Variants in ABITRAM observed in about 807,000 individuals in gnomAD.
The protein encoded by ABITRAM is protein Abitram.
Under a neutral mutation model 22.9 loss-of-function variants are expected in ABITRAM, and 19 were observed. That is an observed-to-expected ratio of 0.83 (90% confidence interval 0.58 to 1.22). The LOEUF (loss-of-function observed/expected upper bound fraction) is 1.22. Among genes scored for constraint, ABITRAM ranks in the 50% most tolerant of loss-of-function variants. The probability of loss-of-function intolerance (pLI) is 0.00; values close to 1 mark genes in which losing one functional copy is unlikely to be tolerated. For missense variants in ABITRAM, 215 were observed against 220.2 expected (o/e 0.98, Z 0.15); for synonymous variants, 70 against 73.9 (o/e 0.95, Z 0.27).
chr9:108,936,387 A>C lies in ABITRAM; in HGVS notation c.211A>C (p.Ser71Arg), dbSNP rs1303834437. The C allele has an allele frequency of 1.2e-6, 2 of 1,614,070 alleles. No individual in the cohort carries two copies. Among genetic ancestry groups the C allele is most frequent in the South Asian group, 2.2e-5 (2 of 91,084 alleles). ...AATTAAAAGCATTTCCTATCAGATC[A>C]GTACCAACTGTAGCAGACTTCAGAA... The part of the protein sequence containing the change: ...KTIKSISYQI[S>R]TNCSRLQNKV... The change falls in exon 3 of 6, where the codon AGT becomes CGT. Residue 71 changes from serine (S) to arginine (R), a missense_variant. Ser to Arg is a moderately radical substitution (Grantham distance 110). Transcript: ENST00000322940.
At chr9:108,934,634 G>A in intron 1 of ABITRAM, 69 bp downstream of exon 1, 1 of 1,433,764 alleles carries the variant, frequency 7.0e-7, no homozygotes, top group South Asian at 1.3e-5. Context: ...TATGTTGACA[G>A]ATCATAAGCC....
intron 3 of ABITRAM, among the ~76,000 whole-genome samples, chr9:108,938,387 A>G (rs561804069): frequency 8.2e-4 from 125 of 152,358 alleles, no homozygotes; most frequent in Middle Eastern, 3.4e-3. Flanking sequence ...ACTACAGGAA[A>G]AATTCATGGG....
In ABITRAM at chr9:108,934,411, G is replaced by T; in HGVS notation, c.-76G>T. 1 of 1,312,604 alleles carries T rather than the reference G, an allele frequency of 7.6e-7. No individual in the cohort carries two copies. Among genetic ancestry groups the T allele is most frequent in the East Asian group, 2.8e-5 (1 of 35,780 alleles). 81.3% of individuals were successfully genotyped at this position (1,312,604 alleles called of 1,614,324 possible). A position where few individuals can be genotyped will look rare whatever the true frequency, so the allele number is the denominator to read the frequency against. ...GCACGACACGCGCTGTGCGCCGGAAGAGCACGCCCAGTCCGGGCTGCGCGG... is the reference window on the plus strand; with the variant it reads ...GCACGACACGCGCTGTGCGCCGGAATAGCACGCCCAGTCCGGGCTGCGCGG... On this transcript the variant is annotated 5_prime_UTR_variant, in exon 1 of 6. Transcript: ENST00000322940.
At chr9:108,949,478 T>C (rs559552610) in intron 3 of ABITRAM, among the ~76,000 whole-genome samples, 6 of 152,040 alleles carry the variant, frequency 3.9e-5, no homozygotes, top group African/African-American at 1.4e-4. Context: ...GAGGCCAAGG[T>C]GGGCAGATCA....
chr9:108,945,135 C>T (rs1246506661), downstream of ABITRAM, among the ~76,000 whole-genome samples: 1 of 152,310 alleles, frequency 6.6e-6, no homozygotes, highest in Middle Eastern at 3.4e-3. Flanking sequence ...TCCCAGGTCT[C>T]TCTCTCCACT....
rs770316896 is a variant in ABITRAM, at chr9:108,936,369, A to C, written c.193A>C (p.Ser65Arg). The change falls in exon 3 of 6, where the codon AGC (serine) becomes CGC (arginine). Residue 65 changes from serine (S) to arginine (R), a missense_variant. Transcript: ENST00000322940. ...TCTTCAAAGTGGAAAAACAATTAAA[A>C]GCATTTCCTATCAGATCAGTACCAA... The part of the protein sequence containing the change: ...PVLQSGKTIK[S>R]ISYQISTNCS... 1.1e-5 allele frequency: 17 copies of C among 1,613,946 alleles called. No individual in the cohort carries two copies. The highest frequency in any genetic ancestry group is 3.3e-4 in the Middle Eastern group (2 of 6,082).
chr9:108,938,723 C>T (rs1830219867), intron 3 of ABITRAM, among the ~76,000 whole-genome samples: 1 of 149,586 alleles, frequency 6.7e-6, no homozygotes, highest in South Asian at 2.1e-4. Flanking sequence ...ATCCCTTCTT[C>T]AAAAAGTCTT....
chr9:108,942,929 A>G (rs200584747), downstream of ABITRAM: 13 of 1,609,930 alleles, frequency 8.1e-6, no homozygotes, highest in Non-Finnish European at 1.1e-5. Flanking sequence ...CATTTTTTAA[A>G]GTATGAGTCT....
chr9:108,948,249 ATTG>A (rs780770460), intron 3 of ABITRAM: 14 of 1,609,264 alleles, frequency 8.7e-6, no homozygotes, highest in Admixed American at 3.4e-5. Flanking sequence ...AATAAAATTA[ATTG>A]TTAAGAAGGT....
intron 3 of ABITRAM, among the ~76,000 whole-genome samples, chr9:108,938,914 T>C (rs1345781168): frequency 6.6e-6 from 1 of 152,242 alleles, no homozygotes. Flanking sequence ...CCTGGTTATA[T>C]GTAGCTTTTT....
In ABITRAM at chr9:108,935,633, T is replaced by C. The variant is rs1441184869; in HGVS notation, c.80-5T>C. 6.2e-7 allele frequency: 1 copy of C among 1,610,500 alleles called. No homozygotes were observed. Among genetic ancestry groups the C allele is most frequent in the South Asian group, 1.1e-5 (1 of 91,002 alleles). ...AGCCACCAACAGACTCATGTATTCT[T>C]CTAGATGTCAAAGGAAAATTTTGTG... On this transcript the variant is annotated splice_region_variant and splice_polypyrimidine_tract_variant and intron_variant, in intron 1 of 5. Transcript: ENST00000322940.
At chr9:108,950,587 C>A (rs1294510968) in exon 4 of ABITRAM, 3 of 1,550,152 alleles carry the variant, frequency 1.9e-6, no homozygotes, top group Non-Finnish European at 2.6e-6. Context: ...ATCTTCCCCA[C>A]TCTTAATCCT....
chr9:108,948,205 T>A, intron 3 of ABITRAM: 2 of 1,612,290 alleles, frequency 1.2e-6, no homozygotes, highest in African/African-American at 2.7e-5. Flanking sequence ...ATGAATTAAA[T>A]CCTGGGAAGT....
downstream of ABITRAM, chr9:108,943,603 T>C (rs1259325970): frequency 3.3e-6 from 3 of 901,386 alleles, no homozygotes; most frequent in African/African-American, 1.7e-5. Flanking sequence ...AAAAAGGAAA[T>C]AAATTGCCCT....
chr9:108,935,127 CTCCTT>C (rs1203988469), intron 1 of ABITRAM, among the ~76,000 whole-genome samples: 1 of 152,174 alleles, frequency 6.6e-6, no homozygotes, highest in East Asian at 1.9e-4. Context: ...GTTGGGGACT[CTCCTT>C]TCTTCCTTTC....
At chr9:108,948,982 A>G (rs552065232) in intron 3 of ABITRAM, among the ~76,000 whole-genome samples, 1 of 152,326 alleles carries the variant, frequency 6.6e-6, no homozygotes, top group South Asian at 2.1e-4. Flanking sequence ...CAAAAACCAC[A>G]TTAAAAACAA....
chr9:108,950,670 A>G, exon 4 of ABITRAM: 3 of 1,501,864 alleles, frequency 2.0e-6, no homozygotes, highest in Non-Finnish European at 2.7e-6. Flanking sequence ...ATCCCATCCC[A>G]TAAAAGGAGG....
At chr9:108,935,525 A>T in intron 1 of ABITRAM, 113 bp from the exon 2 acceptor site, 1 of 787,418 alleles carries the variant, frequency 1.3e-6, no homozygotes. Context: ...CGTGATCAGC[A>T]TGCAGCATGT....
At chr9:108,941,511 T>C (rs1830255333), downstream of ABITRAM, among the ~76,000 whole-genome samples, 1 of 152,220 alleles carries the variant, frequency 6.6e-6, no homozygotes, top group Non-Finnish European at 1.5e-5. Flanking sequence ...TTTGACTGTT[T>C]AAGGAAAGAT....
Sources: allele counts gnomAD v4.1 joint callset (sites outside exome capture counted in the v4.1 genomes callset), GRCh38; gene constraint gnomAD v4.1.1; transcripts MANE v1.5; gene names NCBI Gene and HGNC (gene_info 2026-07-23, HGNC 2026-07-21).